Variants in WIPF2 observed in about 807,000 individuals in gnomAD.
WIPF2 encodes WAS/WASL-interacting protein family member 2.
In WIPF2, 23 loss-of-function variants were observed where a neutral mutation model predicts 38.8. The ratio of observed to expected loss-of-function variants is 0.59; its 90% CI spans 0.43 to 0.84. The LOEUF (loss-of-function observed/expected upper bound fraction) is 0.84, where lower values mean the gene tolerates loss of function less well. WIPF2 is among the 40% of genes least tolerant of loss of function. The pLI, the probability that WIPF2 is intolerant of heterozygous loss-of-function variation, is 0.00. For synonymous variants in WIPF2, 210 were observed against 223.2 expected (o/e 0.94, Z 0.53); for missense variants, 574 against 580.5 (o/e 0.99, Z 0.11).
intron 1 of WIPF2, among the ~76,000 whole-genome samples, chr17:40,248,331 ATT>A (rs1170443273): frequency 1.3e-5 from 2 of 151,214 alleles, no homozygotes; most frequent in African/African-American, 4.9e-5. Flanking sequence ...TGCCTGGCTA[ATT>A]TTTTTTATAA....
chr17:40,280,964 A>G lies in WIPF2; in HGVS notation c.*2739A>G, dbSNP rs1472994877. 1 of 152,666 alleles carries G rather than the reference A, an allele frequency of 6.6e-6. No homozygotes were observed. Among genetic ancestry groups the G allele is most frequent in the Non-Finnish European group, 1.5e-5 (1 of 68,040 alleles). 9.5% of individuals were successfully genotyped at this position (152,666 alleles called of 1,614,324 possible). A position where few individuals can be genotyped will look rare whatever the true frequency, so the allele number is the denominator to read the frequency against. On this transcript the variant is annotated 3_prime_UTR_variant, in exon 8 of 8. Coordinates refer to ENST00000323571, the MANE Select transcript of WIPF2 (RefSeq NM_133264.5). ...GTTAATAATAGATTTATTACTATGT[A>G]TATTTACTATTGAAGATGGGAATGT... is the stretch of plus-strand genomic sequence containing the variant.
rs1465613113 is a variant in WIPF2, at chr17:40,256,252, A to T, written c.-69-139A>T. 4 of 586,714 alleles carry T rather than the reference A, an allele frequency of 6.8e-6. No individual in the cohort carries two copies. In the African/African-American group the frequency reaches 7.9e-5, roughly 12 times the overall value. The allele number at this position is 586,714 out of a possible 1,614,324, so 36.3% of individuals were successfully genotyped here. A position where few individuals can be genotyped will look rare whatever the true frequency, so the allele number is the denominator to read the frequency against. ...ACAATTGATTTAAACAGATTTACCA[A>T]GCCCTGGACTGTATCACAGTGGAAC... On this transcript the variant is annotated intron_variant, in intron 1 of 7. Transcript: ENST00000323571.
intron 1 of WIPF2, among the ~76,000 whole-genome samples, chr17:40,234,364 C>T (rs1179188320): frequency 2.6e-5 from 4 of 151,916 alleles, no homozygotes; most frequent in African/African-American, 7.3e-5. Context: ...ACCTGGGAGG[C>T]GGAGGTTGCA....
chr17:40,232,718 CA>C (rs1346143763), intron 1 of WIPF2, among the ~76,000 whole-genome samples: 8 of 151,224 alleles, frequency 5.3e-5, no homozygotes, highest in Admixed American at 4.6e-4. Flanking sequence ...CGGCTCACTG[CA>C]ACCTCTGCCT....
intron 5 of WIPF2, among the ~76,000 whole-genome samples, chr17:40,269,529 A>AC (rs1212132483): frequency 2.0e-5 from 3 of 148,576 alleles, no homozygotes; most frequent in African/African-American, 7.4e-5. Context: ...CCCCCCCAAA[A>AC]CCCAAAAACT....
chr17:40,256,540 T>C lies in WIPF2; in HGVS notation c.63+18T>C. The C allele has an allele frequency of 6.3e-7, 1 of 1,598,110 alleles. No individual in the cohort carries two copies. The highest frequency in any genetic ancestry group is 8.5e-7 in the Non-Finnish European group (1 of 1,173,886). On this transcript the variant is annotated intron_variant, in intron 2 of 7. Coordinates refer to ENST00000323571, the MANE Select transcript of WIPF2 (RefSeq NM_133264.5). ...TTCATCAGGTAGGTAGTCCTTCCATTAGGCTATCTCAAAACCTTTGAGTAA... is the reference window on the plus strand; with the variant it reads ...TTCATCAGGTAGGTAGTCCTTCCATCAGGCTATCTCAAAACCTTTGAGTAA...
chr17:40,235,481 A>G (rs1374341935), intron 1 of WIPF2, among the ~76,000 whole-genome samples: 1 of 151,716 alleles, frequency 6.6e-6, no homozygotes, highest in African/African-American at 2.4e-5. Flanking sequence ...CTAAACTCTG[A>G]CAGGTATAAA....
At chr17:40,239,789 C>T (rs1367128742) in intron 1 of WIPF2, among the ~76,000 whole-genome samples, 2 of 151,270 alleles carry the variant, frequency 1.3e-5, no homozygotes, top group Non-Finnish European at 2.9e-5. Flanking sequence ...CTCTGCCACC[C>T]GGCTTCAAAG....
chr17:40,258,423 C>T (rs2031796713), intron 2 of WIPF2, among the ~76,000 whole-genome samples: 1 of 152,128 alleles, frequency 6.6e-6, no homozygotes. Context: ...GAAACCCCAT[C>T]TCTATTAAAA....
intron 5 of WIPF2, among the ~76,000 whole-genome samples, chr17:40,270,929 T>C (rs2032233226): frequency 6.6e-6 from 1 of 151,940 alleles, no homozygotes. Context: ...TGTTACATGC[T>C]TAACTATAGT....
At chr17:40,273,699 G>C (rs1598500844) in intron 5 of WIPF2, 91 bp from the exon 6 acceptor site, 1 of 795,474 alleles carries the variant, frequency 1.3e-6, no homozygotes, top group East Asian at 2.6e-5. Context: ...CCTCTGTGGG[G>C]TGTGTTACTC....
rs1268737562 is a variant in WIPF2, at chr17:40,280,113, T to C, written c.*1888T>C. 1 of 152,206 alleles carries C rather than the reference T, an allele frequency of 6.6e-6. No individual in the cohort carries two copies. Among genetic ancestry groups the C allele is most frequent in the African/African-American group, 2.4e-5 (1 of 41,436 alleles). The allele number at this position is 152,206 out of a possible 1,614,324, so 9.4% of individuals were successfully genotyped here. ...CCAAACTTTTCCTAATCATTTTTTA[T>C]GTATCATTCTTCTTTCTAATCTGTT... On this transcript the variant is annotated 3_prime_UTR_variant, in exon 8 of 8. Transcript: ENST00000323571.
rs371386233 is a variant in WIPF2 at position 40,277,078 on chromosome 17, C to T, written c.1181-5C>T. 58 of 1,607,198 alleles carry T rather than the reference C, an allele frequency of 3.6e-5. No individual in the cohort carries two copies. Among genetic ancestry groups the T allele is most frequent in the South Asian group, 1.9e-4 (17 of 90,192 alleles). ...ATAGGAATTAATGTTCTATTCTTTT[C>T]GCAGATGATTTTGAGTCAAAGTATT... On this transcript the variant is annotated splice_region_variant and splice_polypyrimidine_tract_variant and intron_variant, in intron 6 of 7. Transcript: ENST00000323571.
intron 1 of WIPF2, among the ~76,000 whole-genome samples, chr17:40,238,647 C>G (rs917460611): frequency 1.3e-5 from 2 of 152,012 alleles, no homozygotes; most frequent in Admixed American, 1.3e-4. Flanking sequence ...GAATCTCACT[C>G]TGTCGTCCAG....
chr17:40,242,646 C>T (rs1883555126), intron 1 of WIPF2, among the ~76,000 whole-genome samples: 1 of 152,176 alleles, frequency 6.6e-6, no homozygotes, highest in Non-Finnish European at 1.5e-5. Context: ...AGGTAATCCA[C>T]CTGCCTCGGC....
chr17:40,249,214 T>C (rs1037319105), intron 1 of WIPF2, among the ~76,000 whole-genome samples: 2 of 152,132 alleles, frequency 1.3e-5, no homozygotes, highest in Non-Finnish European at 1.5e-5. Flanking sequence ...AGAATGCCAT[T>C]TGAATAAAGG....
intron 5 of WIPF2, among the ~76,000 whole-genome samples, chr17:40,267,018 C>T (rs886539498): frequency 2.0e-5 from 3 of 151,570 alleles, no homozygotes; most frequent in African/African-American, 7.3e-5. Flanking sequence ...GTGATTGAGG[C>T]GAGGGAAGGA....
chr17:40,273,717 T>C (rs1483652181), intron 5 of WIPF2, 73 bp from the exon 6 acceptor site: 9 of 938,306 alleles, frequency 9.6e-6, no homozygotes, highest in Admixed American at 3.5e-5. Flanking sequence ...CTCTTTTAGC[T>C]CATGTGTTTC....
At chr17:40,261,741 C>T (rs2031912701) in intron 3 of WIPF2, among the ~76,000 whole-genome samples, 1 of 146,908 alleles carries the variant, frequency 6.8e-6, no homozygotes, top group Non-Finnish European at 1.5e-5. Context: ...GGCTGGAGTG[C>T]AGTGGCGCGA....
Sources: gnomAD v4.1 joint callset for allele counts (sites outside exome capture counted in the v4.1 genomes callset) on GRCh38, gnomAD v4.1.1 for gene constraint, MANE v1.5 for transcripts, NCBI Gene and HGNC (gene_info 2026-07-23, HGNC 2026-07-21) for gene names.